Variants in FAM234A observed in about 807,000 individuals in gnomAD.
The protein encoded by FAM234A is family with sequence similarity 234 member A.
In FAM234A, 42 loss-of-function variants were observed where a neutral mutation model predicts 49.1. That is an observed-to-expected ratio of 0.86 (90% CI 0.67 to 1.11). The LOEUF is 1.11. Among genes scored for constraint, FAM234A ranks in the 50% least tolerant of loss-of-function variants. The probability of loss-of-function intolerance (pLI) is 0.00; values close to 1 mark genes in which losing one functional copy is unlikely to be tolerated. For synonymous variants in FAM234A, 369 were observed against 316.2 expected, an observed-to-expected ratio of 1.17 and a Z score of -1.77; for missense variants, 815 against 745.2, an observed-to-expected ratio of 1.09 and a Z score of -1.09.
chr16:262,105 C>A lies in FAM234A; in HGVS notation c.721C>A (p.Leu241Ile), dbSNP rs1263336081. ...TQEREEVSGH[L>I]YSGSTGHQIG... ...TGTGTCATTGCAGGTTAGTGGCCAC[C>A]TCTACTCCGGCAGCACCGGGCACCA... is the stretch of plus-strand genomic sequence containing the variant. The change falls in exon 7 of 13, where the codon CTC (leucine) becomes ATC (isoleucine). Residue 241 changes from leucine (L) to isoleucine (I), a missense_variant. Coordinates refer to ENST00000399932, the MANE Select transcript of FAM234A (RefSeq NM_032039.4). 6.2e-7 allele frequency: 1 copy of A among 1,613,876 alleles called. No individual in the cohort carries two copies. The highest frequency in any genetic ancestry group is 1.3e-5 in the African/African-American group (1 of 74,938).
intron 8 of FAM234A, among the ~76,000 whole-genome samples, chr16:262,882 C>T (rs1373297561): frequency 6.9e-6 from 1 of 145,794 alleles, no homozygotes; most frequent in Admixed American, 7.0e-5. Context: ...TGCAGTGGTG[C>T]GATCTCGGTT....
downstream of FAM234A, chr16:268,772 C>G: frequency 6.5e-7 from 1 of 1,549,698 alleles, no homozygotes; most frequent in Non-Finnish European, 8.7e-7. Flanking sequence ...GGGTCCTCTT[C>G]CAGGCTCACA....
chr16:264,384 G>A (rs1185782764), intron 11 of FAM234A, among the ~76,000 whole-genome samples: 1 of 152,278 alleles, frequency 6.6e-6, no homozygotes, highest in Non-Finnish European at 1.5e-5. Context: ...CGGTGGATAG[G>A]GGCGCACACA....
chr16:268,875 G>T, downstream of FAM234A: 1 of 1,550,492 alleles, frequency 6.4e-7, no homozygotes, highest in Non-Finnish European at 8.7e-7. Flanking sequence ...GAAGCCGCCC[G>T]CCTGTGCATC....
downstream of FAM234A, chr16:269,229 T>G (rs1190252126): frequency 1.4e-6 from 2 of 1,392,106 alleles, no homozygotes; most frequent in African/African-American, 2.9e-5. Context: ...ACGCAGGACG[T>G]TGAGCTGCAG....
chr16:266,585 G>A (rs764185937), downstream of FAM234A, among the ~76,000 whole-genome samples: 4 of 152,296 alleles, frequency 2.6e-5, no homozygotes, highest in Non-Finnish European at 5.9e-5. Context: ...CTGTCCCACG[G>A]CCATGTATGC....
chr16:242,469 C>T (rs1253660742), intron 1 of FAM234A, among the ~76,000 whole-genome samples: 1 of 152,102 alleles, frequency 6.6e-6, no homozygotes, highest in Non-Finnish European at 1.5e-5. Flanking sequence ...CCACCTCGGC[C>T]TCCCAAAATG....
chr16:268,640 G>A (rs191993608), downstream of FAM234A: 94 of 838,076 alleles, frequency 1.1e-4, no homozygotes, highest in African/African-American at 1.3e-3. Flanking sequence ...CCGCGGCCTC[G>A]AGGTGGGAAA....
chr16:238,105 G>A (rs1034776779), intron 1 of FAM234A, among the ~76,000 whole-genome samples: 16 of 151,998 alleles, frequency 1.1e-4, no homozygotes, highest in Non-Finnish European at 1.9e-4. Flanking sequence ...TGCAACCCCC[G>A]CCTCCCAGGT....
intron 2 of FAM234A, among the ~76,000 whole-genome samples, chr16:250,285 A>G (rs1325341056): frequency 6.6e-6 from 1 of 152,146 alleles, no homozygotes; most frequent in Non-Finnish European, 1.5e-5. Flanking sequence ...CATGGTGGCT[A>G]GATTTGCTGA....
Position 254,580 on chromosome 16 carries a change from T to A in FAM234A, c.167T>A (p.Leu56Ter), listed in dbSNP as rs1397968419. The change falls in exon 3 of 13, where the codon TTG becomes TAG. Residue 56 changes from leucine to a stop codon, truncating the protein, a stop_gained. Coordinates refer to ENST00000399932, the MANE Select transcript of FAM234A (RefSeq NM_032039.4). LOFTEE classifies it high-confidence loss of function. The part of the protein sequence containing the change: ...RCRAAAFFLS[L>*]FLCLFVVFVV... ...CGAGCGGCGGCGTTTTTTCTTTCAT[T>A]GTTTCTCTGCCTTTTTGTGGTGTTC... 3 of 1,614,172 alleles carry A rather than the reference T, an allele frequency of 1.9e-6. No individual in the cohort carries two copies. Among genetic ancestry groups the A allele is most frequent in the Non-Finnish European group, 2.5e-6 (3 of 1,180,024 alleles).
intron 1 of FAM234A, among the ~76,000 whole-genome samples, chr16:239,880 T>C (rs2050551740): frequency 6.6e-6 from 1 of 152,224 alleles, no homozygotes; most frequent in African/African-American, 2.4e-5. Context: ...TGTGCTGTGA[T>C]ACTTTTGCCT....
chr16:236,862 G>A lies in FAM234A; in HGVS notation c.-140+2005G>A, dbSNP rs28848636. ...GCGGAGCCTGCAGTGAGCCGAGATCGCGCCACTGCACTCCAGCCTGGGCCA... is the reference window on the plus strand; with the variant it reads ...GCGGAGCCTGCAGTGAGCCGAGATCACGCCACTGCACTCCAGCCTGGGCCA... On this transcript the variant is annotated intron_variant, in intron 1 of 12. Transcript: ENST00000399932. 2.0e-5 allele frequency among the ~76,000 whole-genome samples: 2 copies of A among 102,512 alleles called. 1 individual carries two copies. The highest frequency in any genetic ancestry group is 6.6e-5 in the African/African-American group (2 of 30,296). 67.3% of individuals were successfully genotyped at this position (102,512 alleles called of 152,430 possible). A position where few individuals can be genotyped will look rare whatever the true frequency, so the allele number is the denominator to read the frequency against.
At chr16:269,550 G>A (rs1476529079), downstream of FAM234A, 13 of 1,613,320 alleles carry the variant, frequency 8.1e-6, no homozygotes, top group East Asian at 2.2e-5. Context: ...GGAGGGCCTT[G>A]TACATGTCAG....
At chr16:253,217 C>G (rs149515166) in intron 2 of FAM234A, among the ~76,000 whole-genome samples, 2 of 152,144 alleles carry the variant, frequency 1.3e-5, no homozygotes, top group South Asian at 2.1e-4. Flanking sequence ...CATCCACCCC[C>G]GGTCCGGCCA....
Position 264,929 on chromosome 16 carries a change from C to G in FAM234A, c.1566C>G (p.Ser522Arg), listed in dbSNP as rs748774774. ...IKHKVRDLVP[S>R]SRVVRLGEGG... The stretch of plus-strand genomic sequence containing the variant: ...ACAAGGTGCGGGACCTTGTCCCAAG[C>G]AGCAGGGTGGTCCGCCTGGGTGAGG... Residue 522 changes from serine (S) to arginine (R), a missense_variant, in exon 13 of 13, where the codon AGC becomes AGG. Ser to Arg is a moderately radical substitution (Grantham distance 110). Coordinates refer to ENST00000399932, the MANE Select transcript of FAM234A (RefSeq NM_032039.4). The G allele has an allele frequency of 6.2e-7, 1 of 1,612,906 alleles. No individual in the cohort carries two copies. Among genetic ancestry groups the G allele is most frequent in the African/African-American group, 1.3e-5 (1 of 74,932 alleles).
At position 263,718 on chromosome 16, in the gene FAM234A, C is replaced by T. The variant is rs777919803; in HGVS notation, c.1131C>T (p.Arg377=). 6.2e-7 allele frequency: 1 copy of T among 1,614,036 alleles called. No individual in the cohort carries two copies. Among genetic ancestry groups the T allele is most frequent in the Non-Finnish European group, 8.5e-7 (1 of 1,179,914 alleles). The part of the protein sequence containing the change: ...AHVLRKPIFG[R]YKPDTLAVAV... ...GTTCCAGAAAACCCATCTTCGGCCG[C>T]TACAAACCAGACACCTTGGCTGTAG... The change falls in exon 10 of 13, where the codon CGC becomes CGT. Residue 377 remains arginine, a synonymous_variant. Coordinates refer to ENST00000399932, the MANE Select transcript of FAM234A (RefSeq NM_032039.4).
At chr16:240,180 G>A (rs1596740233) in intron 1 of FAM234A, 1 of 152,268 alleles carries the variant, frequency 6.6e-6, no homozygotes, top group African/African-American at 2.4e-5. Flanking sequence ...TGTGTGTATA[G>A]CAGCTGGATT....
intron 5 of FAM234A, chr16:260,469 C>T (rs138438963): frequency 3.5e-4 from 172 of 495,502 alleles, no homozygotes; most frequent in African/African-American, 2.5e-3. Flanking sequence ...GCTTGGCCCC[C>T]GGCTGCTCCT....
Sources: allele counts gnomAD v4.1 joint callset (sites outside exome capture counted in the v4.1 genomes callset), GRCh38; gene constraint gnomAD v4.1.1; transcripts MANE v1.5; gene names NCBI Gene and HGNC (gene_info 2026-07-23, HGNC 2026-07-21).